CELF2: variants seen among roughly 807,000 people sequenced by gnomAD.
CELF2 encodes CUG triplet repeat RNA-binding protein 2.
CELF2 carries 8 observed loss-of-function variants against 62.6 expected under a neutral mutation model. The ratio of observed to expected loss-of-function variants is 0.13; its 90% CI spans 0.07 to 0.23. The LOEUF (loss-of-function observed/expected upper bound fraction) is 0.23. Ranked by LOEUF, CELF2 falls within the 10% of genes least tolerant of loss-of-function variation. The probability of loss-of-function intolerance (pLI) is 1.00; values close to 1 mark genes in which losing one functional copy is unlikely to be tolerated. For synonymous variants in CELF2, 258 were observed against 250.0 expected, an observed-to-expected ratio of 1.03 and a Z score of -0.30; for missense variants, 333 against 671.0, an observed-to-expected ratio of 0.50 and a Z score of 5.56.
the CELF2 span, among the ~76,000 whole-genome samples, chr10:10,591,847 G>A: frequency 6.6e-6 from 1 of 152,204 alleles, no homozygotes; most frequent in African/African-American, 2.4e-5. Flanking sequence ...CCTGCACTCA[G>A]TGTAAGGCAT....
chr10:11,215,133 A>G (rs1438209702), intron 2 of CELF2, among the ~76,000 whole-genome samples: 1 of 152,222 alleles, frequency 6.6e-6, no homozygotes, highest in Non-Finnish European at 1.5e-5. Flanking sequence ...TCCTTCCTCA[A>G]GGGTCATGTT....
the CELF2 span, among the ~76,000 whole-genome samples, chr10:10,583,169 C>G: frequency 2.8e-4 from 42 of 152,178 alleles, no homozygotes; most frequent in Non-Finnish European, 5.0e-4. Context: ...TGATATGTAA[C>G]AGTTTGTCTC....
At chr10:10,566,645 A>T in the CELF2 span, among the ~76,000 whole-genome samples, 3 of 142,574 alleles carry the variant, frequency 2.1e-5, no homozygotes, top group African/African-American at 5.2e-5. Flanking sequence ...TTCAATTCCC[A>T]CCTATGAGTG....
At chr10:11,129,741 T>C (rs1237732173) in intron 1 of CELF2, among the ~76,000 whole-genome samples, 1 of 152,228 alleles carries the variant, frequency 6.6e-6, no homozygotes, top group Non-Finnish European at 1.5e-5. Flanking sequence ...TATCATTTTT[T>C]ATTGCGTCTA....
At chr10:11,014,913 A>G (rs2057024055), upstream of CELF2, among the ~76,000 whole-genome samples, 1 of 152,212 alleles carries the variant, frequency 6.6e-6, no homozygotes, top group African/African-American at 2.4e-5. Context: ...TCCACAATGC[A>G]GCTAAAACTA....
At chr10:10,488,957 A>G in the CELF2 span, among the ~76,000 whole-genome samples, 1 of 152,072 alleles carries the variant, frequency 6.6e-6, no homozygotes, top group Non-Finnish European at 1.5e-5. Flanking sequence ...GAAAGTGGCA[A>G]AATTTAGAGT....
At chr10:10,780,003 G>A in the CELF2 span, among the ~76,000 whole-genome samples, 1 of 152,170 alleles carries the variant, frequency 6.6e-6, no homozygotes, top group East Asian at 1.9e-4. Flanking sequence ...TGTTTTGCGG[G>A]TAACATGGAA....
chr10:11,279,526 G>A (rs550046101), intron 8 of CELF2, among the ~76,000 whole-genome samples: 2 of 152,278 alleles, frequency 1.3e-5, no homozygotes, highest in East Asian at 1.9e-4. Flanking sequence ...TCCCCAAGCT[G>A]AGTCTCCAGC....
the CELF2 span, among the ~76,000 whole-genome samples, chr10:10,505,297 T>C: frequency 6.6e-6 from 1 of 151,872 alleles, no homozygotes. Context: ...AACACATAAG[T>C]TGGGGGAGGG....
chr10:11,223,950 G>A lies in CELF2; in HGVS notation c.354+6443G>A. 6.6e-6 allele frequency among the ~76,000 whole-genome samples: 1 copy of A among 152,230 alleles called. No individual in the cohort carries two copies. The highest frequency in any genetic ancestry group is 2.1e-4 in the South Asian group (1 of 4,836). ...GTTTTACACACTACCTGAATAGCAGGTTGTTTTGGTTTTGGCTGGCAGTCT... is the reference window on the plus strand; with the variant it reads ...GTTTTACACACTACCTGAATAGCAGATTGTTTTGGTTTTGGCTGGCAGTCT... On this transcript the variant is annotated intron_variant, in intron 3 of 12. Coordinates refer to ENST00000633077, the MANE Select transcript of CELF2 (RefSeq NM_001326342.2). This position sits in a 1 kb window ranked among gnomAD's most constrained non-coding sequence, Gnocchi z 5.1.
the CELF2 span, among the ~76,000 whole-genome samples, chr10:10,530,072 C>T: frequency 3.8e-3 from 577 of 152,204 alleles, 5 homozygotes; most frequent in African/African-American, 0.013. Flanking sequence ...AAAGGGGTTC[C>T]GATCCAGACC....
intron 3 of CELF2, among the ~76,000 whole-genome samples, chr10:11,229,229 A>T (rs555936458): frequency 2.6e-5 from 4 of 152,330 alleles, no homozygotes; most frequent in Non-Finnish European, 5.9e-5. Context: ...ATGTCACCTT[A>T]AAGAATCAGA....
At chr10:10,617,371 A>G in the CELF2 span, among the ~76,000 whole-genome samples, 1 of 152,170 alleles carries the variant, frequency 6.6e-6, no homozygotes. Context: ...GCTGGGCACA[A>G]GAGGTTAGGT....
Position 11,217,688 on chromosome 10 carries a change from G to A in CELF2, c.354+181G>A, listed in dbSNP as rs1355545520. On this transcript the variant is annotated intron_variant, in intron 3 of 12. Coordinates refer to ENST00000633077, the MANE Select transcript of CELF2 (RefSeq NM_001326342.2). The surrounding 1 kb of genome is among the most constrained non-coding windows in gnomAD (Gnocchi z 5.6). ...CTGGCCAGCCCATAAAGGAGCGCTG[G>A]CATTAACACTGACGGGAAGCATTCT... is the stretch of plus-strand genomic sequence containing the variant. Among the ~76,000 whole-genome samples, 1 of 152,138 alleles carries A rather than the reference G, an allele frequency of 6.6e-6. No individual in the cohort carries two copies. Among genetic ancestry groups the A allele is most frequent in the East Asian group, 1.9e-4 (1 of 5,200 alleles).
intron 1 of CELF2, among the ~76,000 whole-genome samples, chr10:11,126,061 T>G (rs2058640684): frequency 6.6e-6 from 1 of 152,220 alleles, no homozygotes; most frequent in Non-Finnish European, 1.5e-5. Flanking sequence ...CCTGCAGCTA[T>G]GCTGGCTTGA....
At position 11,269,293 on chromosome 10, in the gene CELF2, A is replaced by G. The variant is rs2083057873; in HGVS notation, c.619-1373A>G. 6.6e-6 allele frequency among the ~76,000 whole-genome samples: 1 copy of G among 152,198 alleles called. No homozygotes were observed. ...ATGACTCTGTCTACCAGAGCTGAAGACCAGTAGGCTGGAAGTTTAACACTG... is the reference window on the plus strand; with the variant it reads ...ATGACTCTGTCTACCAGAGCTGAAGGCCAGTAGGCTGGAAGTTTAACACTG... On this transcript the variant is annotated intron_variant, in intron 6 of 12. Transcript: ENST00000633077. This position sits in a 1 kb window ranked among gnomAD's most constrained non-coding sequence, Gnocchi z 4.4.
the CELF2 span, among the ~76,000 whole-genome samples, chr10:10,713,579 A>G: frequency 6.6e-6 from 1 of 152,230 alleles, no homozygotes; most frequent in African/African-American, 2.4e-5. Context: ...ATTTTGATAT[A>G]TGAACTATTC....
At chr10:10,894,770 C>T (rs1008270212) in intron 1 of CELF2, among the ~76,000 whole-genome samples, 1 of 152,184 alleles carries the variant, frequency 6.6e-6, no homozygotes, top group African/African-American at 2.4e-5. Flanking sequence ...GAGTGCAGGG[C>T]AGTAGATTTC....
the CELF2 span, among the ~76,000 whole-genome samples, chr10:10,654,063 A>G: frequency 6.7e-6 from 1 of 149,178 alleles, no homozygotes; most frequent in Non-Finnish European, 1.5e-5. Context: ...AGAAATACAA[A>G]CTACCATCAG....
Sources: allele counts gnomAD v4.1 joint callset (sites outside exome capture counted in the v4.1 genomes callset), GRCh38; gene constraint gnomAD v4.1.1; non-coding constraint Gnocchi (gnomAD v3.1); transcripts MANE v1.5; gene names NCBI Gene and HGNC (gene_info 2026-07-23, HGNC 2026-07-21).